GALNT13: variants seen among roughly 807,000 people sequenced by gnomAD.
The protein encoded by GALNT13 is polypeptide N-acetylgalactosaminyltransferase 13, also known as UDP-GalNAc:polypeptide N-acetylgalactosaminyltransferase 13.
A neutral mutation model predicts 64.2 loss-of-function variants in GALNT13; 28 were observed. The ratio of observed to expected loss-of-function variants is 0.44; its 90% CI spans 0.32 to 0.60. The LOEUF (loss-of-function observed/expected upper bound fraction) is 0.60, where lower values mean the gene tolerates loss of function less well. GALNT13 is among the 20% of genes least tolerant of loss of function. The pLI is 0.05. For synonymous variants in GALNT13, 214 were observed against 224.6 expected, an observed-to-expected ratio of 0.95 and a Z score of 0.42; for missense variants, 577 against 669.8, an observed-to-expected ratio of 0.86 and a Z score of 1.53.
the GALNT13 span, among the ~76,000 whole-genome samples, chr2:153,826,046 C>T: frequency 1.6e-4 from 25 of 152,174 alleles, no homozygotes; most frequent in Non-Finnish European, 3.1e-4. Flanking sequence ...ATCCCCATCT[C>T]TTTCATTAGT....
chr2:153,735,165 A>G, the GALNT13 span, among the ~76,000 whole-genome samples: 8 of 152,198 alleles, frequency 5.3e-5, no homozygotes, highest in East Asian at 1.6e-3. Flanking sequence ...ATTAATATAC[A>G]TGGGCATGCT....
At chr2:153,560,918 G>A in the GALNT13 span, among the ~76,000 whole-genome samples, 5 of 152,080 alleles carry the variant, frequency 3.3e-5, no homozygotes, top group South Asian at 6.2e-4. Flanking sequence ...ACACCTTTAT[G>A]TAGTTGAATA....
the GALNT13 span, among the ~76,000 whole-genome samples, chr2:153,412,894 A>G: frequency 6.6e-6 from 1 of 152,350 alleles, no homozygotes; most frequent in South Asian, 2.1e-4. Flanking sequence ...AAGGAGACAT[A>G]ACAGTCAGGG....
the GALNT13 span, among the ~76,000 whole-genome samples, chr2:153,725,719 T>C: frequency 2.0e-5 from 3 of 151,010 alleles, no homozygotes; most frequent in African/African-American, 7.4e-5. Flanking sequence ...AGATGGATGC[T>C]ACTGGCAGCT....
chr2:153,254,018 G>T, the GALNT13 span, among the ~76,000 whole-genome samples: 2 of 152,094 alleles, frequency 1.3e-5, no homozygotes, highest in Non-Finnish European at 2.9e-5. Context: ...TTTTTCTATT[G>T]ATTGGAATAA....
At chr2:153,095,874 C>A in the GALNT13 span, among the ~76,000 whole-genome samples, 1 of 150,144 alleles carries the variant, frequency 6.7e-6, no homozygotes, top group African/African-American at 2.4e-5. Flanking sequence ...CATCACACAC[C>A]GGGGCCTGTC....
the GALNT13 span, among the ~76,000 whole-genome samples, chr2:153,150,754 G>C: frequency 1.8e-4 from 28 of 152,040 alleles, no homozygotes; most frequent in East Asian, 5.3e-3. Flanking sequence ...TCTTGTTTTT[G>C]TCAGGTTTGT....
At chr2:154,310,028 A>G (rs897077662) in intron 9 of GALNT13, among the ~76,000 whole-genome samples, 1 of 152,134 alleles carries the variant, frequency 6.6e-6, no homozygotes, top group African/African-American at 2.4e-5. Flanking sequence ...CAAGCTTAAC[A>G]TGCTCCCTTT....
the GALNT13 span, among the ~76,000 whole-genome samples, chr2:153,233,381 C>A: frequency 6.6e-6 from 1 of 152,104 alleles, no homozygotes; most frequent in Non-Finnish European, 1.5e-5. Context: ...ATATGTAGGA[C>A]TTCTGCCTAA....
chr2:154,204,619 C>T (rs763603771), intron 4 of GALNT13, among the ~76,000 whole-genome samples: 3 of 152,098 alleles, frequency 2.0e-5, no homozygotes, highest in Admixed American at 6.6e-5. Flanking sequence ...GGTGATGGAC[C>T]TTTTACCATT....
chr2:153,796,527 T>TA, the GALNT13 span, among the ~76,000 whole-genome samples: 1 of 152,310 alleles, frequency 6.6e-6, no homozygotes, highest in South Asian at 2.1e-4. Flanking sequence ...TCATCTTTTA[T>TA]AAAAATAAAT....
At chr2:153,860,512 G>A in the GALNT13 span, among the ~76,000 whole-genome samples, 1 of 152,104 alleles carries the variant, frequency 6.6e-6, no homozygotes. Context: ...GACCAAATCA[G>A]TTGACTTCTA....
At position 154,433,750 on chromosome 2, in the gene GALNT13, C is replaced by CAAA. The variant is rs5835516; in HGVS notation, c.1396-4829_1396-4827dup. On this transcript the variant is annotated intron_variant, in intron 11 of 12. Transcript: ENST00000392825. ...CCCAAGGTGATCTAAACAGGTTAGC[C>CAAA]AAAAAAAAAAAAAAATTCATGTACA... Among the ~76,000 whole-genome samples the CAAA allele has an allele frequency of 3.7e-3, 531 of 144,526 alleles. 3 individuals carry two copies. The highest frequency in any genetic ancestry group is 0.011 in the Middle Eastern group (3 of 278). The allele number at this position is 144,526 out of a possible 152,430, so 94.8% of individuals were successfully genotyped here.
At chr2:153,226,148 G>A in the GALNT13 span, among the ~76,000 whole-genome samples, 1 of 151,852 alleles carries the variant, frequency 6.6e-6, no homozygotes, top group African/African-American at 2.4e-5. Context: ...TGGCCAGGCT[G>A]GTCTCGAACT....
chr2:154,137,671 A>G (rs561611411), intron 3 of GALNT13, among the ~76,000 whole-genome samples: 1 of 152,188 alleles, frequency 6.6e-6, no homozygotes, highest in South Asian at 2.1e-4. Context: ...ATTGACCTTC[A>G]TAGCTTAAGG....
chr2:153,323,195 T>A, the GALNT13 span, among the ~76,000 whole-genome samples: 2 of 152,324 alleles, frequency 1.3e-5, no homozygotes, highest in Admixed American at 1.3e-4. Flanking sequence ...CCACTCTAAC[T>A]GGCATGAGAT....
Position 154,396,057 on chromosome 2 carries a change from A to T in GALNT13, c.1223A>T (p.Lys408Met). The change falls in exon 10 of 13, where the codon AAG becomes ATG. Residue 408 changes from lysine to methionine, a missense_variant. Around this residue, in one of 3 missense-constraint regions of GALNT13, gnomAD observed 232 missense variants for 270.6 expected, o/e 0.86. Transcript: ENST00000392825. Reference sequence around the variant, plus strand: ...ACACTAAGAGAAAATCTGAAGTGTAAGCCCTTTTCTTGGTACCTAGAAAAC... The same window carrying T: ...ACACTAAGAGAAAATCTGAAGTGTATGCCCTTTTCTTGGTACCTAGAAAAC... ...RKTLRENLKC[K>M]PFSWYLENIY... 1 of 1,611,866 alleles carries T rather than the reference A, an allele frequency of 6.2e-7. No individual in the cohort carries two copies. Among genetic ancestry groups the T allele is most frequent in the Non-Finnish European group, 8.5e-7 (1 of 1,178,736 alleles).
chr2:153,993,566 G>A lies in GALNT13; in HGVS notation c.142+48927G>A, dbSNP rs551606966. On this transcript the variant is annotated intron_variant, in intron 3 of 12. Transcript: ENST00000392825. ...AAAAAAATTAGCCGGGCATAGTGGC[G>A]GGCGCCTGTAGTCTCAGCTACTCGG... Among the ~76,000 whole-genome samples the A allele has an allele frequency of 1.3e-4, 19 of 151,498 alleles. 1 individual carries two copies. In the South Asian group the frequency reaches 3.3e-3, roughly 27 times the overall value.
intron 9 of GALNT13, among the ~76,000 whole-genome samples, chr2:154,380,874 CT>C (rs1698237192): frequency 6.6e-6 from 1 of 151,990 alleles, no homozygotes; most frequent in African/African-American, 2.4e-5. Flanking sequence ...AATTTAGTTC[CT>C]TGGAGATTGT....
Sources: gnomAD v4.1 joint callset for allele counts (sites outside exome capture counted in the v4.1 genomes callset) on GRCh38, gnomAD v4.1.1 for gene constraint, gnomAD v4.1.1 regional missense constraint, MANE v1.5 for transcripts, NCBI Gene and HGNC (gene_info 2026-07-23, HGNC 2026-07-21) for gene names.